The following TEX11 variants were observed in gnomAD, a reference collection of about 807,000 sequenced individuals.
The protein encoded by TEX11 is testis expressed 11.
TEX11 carries 7 observed loss-of-function variants against 84.4 expected under a neutral mutation model. The observed-to-expected ratio is 0.08, with a 90% CI of 0.05 to 0.16. The LOEUF (loss-of-function observed/expected upper bound fraction) is 0.16. TEX11 is among the 10% of genes least tolerant of loss of function. TEX11 has a pLI of 1.00. For missense variants in TEX11, 551 were observed against 660.5 expected, an observed-to-expected ratio of 0.83 and a Z score of 1.82; for synonymous variants, 264 against 222.8, an observed-to-expected ratio of 1.18 and a Z score of -1.64.
At chrX:70,612,512 A>G (rs1480698135) in intron 20 of TEX11, among the ~76,000 whole-genome samples, 4 of 111,411 alleles carry the variant, frequency 3.6e-5, no homozygotes, top group Admixed American at 1.9e-4. Context: ...TAGTGATCAA[A>G]AACACTGTAA....
At chrX:70,903,249 T>G (rs1227920243) in intron 2 of TEX11, among the ~76,000 whole-genome samples, 2 of 109,859 alleles carry the variant, frequency 1.8e-5, no homozygotes, top group African/African-American at 6.7e-5. Context: ...TAGTATGGTA[T>G]AGTGAATACA....
rs374272376 is a variant in TEX11, at chrX:70,528,968, G to T, written c.*127C>A. On this transcript the variant is annotated 3_prime_UTR_variant, in exon 30 of 30. Coordinates refer to ENST00000374333, the MANE Select transcript of TEX11 (RefSeq NM_031276.3). ...ATTCAGCATGCTTTTATTTTAGAAA[G>T]TTTATTCAACAACATGAAAACAGGG... The T allele has an allele frequency of 1.3e-4, 64 of 495,982 alleles. No individual in the cohort carries two copies. The highest frequency in any genetic ancestry group is 1.3e-3 in the East Asian group (35 of 27,214). The allele number at this position is 495,982 out of a possible 1,213,427, so 40.9% of individuals were successfully genotyped here.
chrX:70,644,936 A>C (rs112067122), intron 17 of TEX11, among the ~76,000 whole-genome samples: 6,092 of 109,906 alleles, frequency 0.055, 353 homozygotes, highest in African/African-American at 0.16. Flanking sequence ...AAAAATTAAA[A>C]AAAGATAAAT....
intron 3 of TEX11, among the ~76,000 whole-genome samples, chrX:70,878,692 A>C (rs189810009): frequency 1.2e-3 from 138 of 111,287 alleles, no homozygotes; most frequent in African/African-American, 4.1e-3. Context: ...TACAAACCTA[A>C]GAAAAATGAA....
At chrX:70,654,125 C>T (rs2089837747) in intron 16 of TEX11, among the ~76,000 whole-genome samples, 1 of 111,321 alleles carries the variant, frequency 9.0e-6, no homozygotes, top group Non-Finnish European at 1.9e-5. Context: ...TTCATCAAAC[C>T]ACATATGATG....
At chrX:70,870,910 A>C (rs930871980) in intron 4 of TEX11, among the ~76,000 whole-genome samples, 41 of 110,223 alleles carry the variant, frequency 3.7e-4, no homozygotes, top group African/African-American at 8.2e-4. Flanking sequence ...GGTGATTCTG[A>C]TTTTTTGGGG....
downstream of TEX11, among the ~76,000 whole-genome samples, chrX:70,525,959 C>T (rs1021243392): frequency 8.1e-5 from 9 of 111,175 alleles, no homozygotes; most frequent in African/African-American, 3.0e-4. Context: ...CTCGGCGCGG[C>T]GGGGGTCAGG....
chrX:70,562,240 C>T, intron 25 of TEX11, among the ~76,000 whole-genome samples: 1 of 111,493 alleles, frequency 9.0e-6, no homozygotes, highest in Non-Finnish European at 1.9e-5. Context: ...TATATAAAAC[C>T]ATGCTGTCAT....
chrX:70,897,202 T>TTA (rs763100323), intron 2 of TEX11, among the ~76,000 whole-genome samples: 1 of 40,278 alleles, frequency 2.5e-5, no homozygotes, highest in African/African-American at 5.2e-5. Flanking sequence ...ATGTTATATA[T>TTA]TATATATATA....
intron 13 of TEX11, among the ~76,000 whole-genome samples, chrX:70,699,488 C>A (rs1417623800): frequency 8.9e-6 from 1 of 111,965 alleles, no homozygotes; most frequent in Non-Finnish European, 1.9e-5. Context: ...CCGGAACACT[C>A]ATGTGGGAAG....
At chrX:70,827,149 T>G (rs1181361834) in intron 8 of TEX11, among the ~76,000 whole-genome samples, 2 of 111,044 alleles carry the variant, frequency 1.8e-5, no homozygotes, top group South Asian at 3.9e-4. Context: ...AAACCACATT[T>G]CTAGACACAT....
At chrX:70,597,088 A>G (rs886523226) in intron 24 of TEX11, among the ~76,000 whole-genome samples, 55 of 112,347 alleles carry the variant, frequency 4.9e-4, no homozygotes, top group African/African-American at 1.8e-3. Context: ...ATCTGAAGAG[A>G]CTACAAAAAG....
intron 24 of TEX11, among the ~76,000 whole-genome samples, chrX:70,602,076 C>A (rs778361664): frequency 9.0e-6 from 1 of 111,444 alleles, no homozygotes; most frequent in Non-Finnish European, 1.9e-5. Context: ...GGGGTCCTGG[C>A]CGGGCAGAGG....
At chrX:70,851,929 A>G (rs919462248) in intron 7 of TEX11, among the ~76,000 whole-genome samples, 3 of 111,949 alleles carry the variant, frequency 2.7e-5, no homozygotes, top group African/African-American at 9.7e-5. Flanking sequence ...AAATAGGCAT[A>G]TCTATAGAAA....
chrX:70,696,762 CTA>C (rs1172136357), intron 13 of TEX11, among the ~76,000 whole-genome samples: 2 of 109,434 alleles, frequency 1.8e-5, no homozygotes, highest in South Asian at 4.1e-4. Context: ...GAGCAAGACT[CTA>C]TCTCAAAAAC....
chrX:70,878,906 T>G (rs1224513763), intron 3 of TEX11, among the ~76,000 whole-genome samples: 1 of 111,906 alleles, frequency 8.9e-6, no homozygotes, highest in East Asian at 2.8e-4. Context: ...ACAAACAAAA[T>G]ATGGTATATC....
chrX:70,644,448 T>G lies in TEX11; in HGVS notation c.1483+7002A>C, dbSNP rs1350598431. ...TATATACCCAAAGGACTATAAATCA[T>G]GCTGCTATAAAGACACATGCACACG... On this transcript the variant is annotated intron_variant, in intron 17 of 29. Transcript: ENST00000374333. 2.8e-5 allele frequency among the ~76,000 whole-genome samples: 3 copies of G among 105,870 alleles called. No individual in the cohort carries two copies. In the Admixed American group the frequency reaches 3.1e-4, roughly 11 times the overall value. 91.9% of individuals were successfully genotyped at this position (105,870 alleles called of 115,157 possible). A position where few individuals can be genotyped will look rare whatever the true frequency, so the allele number is the denominator to read the frequency against.
intron 5 of TEX11, among the ~76,000 whole-genome samples, 161 bp from the exon 6 acceptor site, chrX:70,853,489 A>G (rs1266147281): frequency 8.9e-6 from 1 of 112,300 alleles, no homozygotes; most frequent in African/African-American, 3.2e-5. Flanking sequence ...TCTGTGTTCT[A>G]CTTTGAACTC....
intron 9 of TEX11, among the ~76,000 whole-genome samples, chrX:70,789,575 C>CA (rs1368663847): frequency 3.6e-5 from 4 of 111,500 alleles, no homozygotes; most frequent in Non-Finnish European, 7.5e-5. Context: ...AACAAACAAA[C>CA]AAAAAACCCA....
Sources: allele counts gnomAD v4.1 joint callset (sites outside exome capture counted in the v4.1 genomes callset), GRCh38; gene constraint gnomAD v4.1.1; transcripts MANE v1.5; gene names NCBI Gene and HGNC (gene_info 2026-07-23, HGNC 2026-07-21).